DLG2: variants seen among roughly 807,000 people sequenced by gnomAD.
DLG2 encodes the protein discs large MAGUK scaffold protein 2.
A neutral mutation model predicts 132.5 loss-of-function variants in DLG2; 45 were observed. The observed-to-expected ratio is 0.34, with a 90% CI of 0.27 to 0.44. The LOEUF (loss-of-function observed/expected upper bound fraction) is 0.44. Among genes scored for constraint, DLG2 ranks in the 20% least tolerant of loss-of-function variants. DLG2 has a pLI of 1.00. For synonymous variants in DLG2, 424 were observed against 419.6 expected (o/e 1.01, Z -0.13); for missense variants, 1,045 against 1,196.9 (o/e 0.87, Z 1.87).
intron 7 of DLG2, among the ~76,000 whole-genome samples, chr11:84,301,139 C>T (rs2098146509): frequency 2.0e-5 from 3 of 152,086 alleles, no homozygotes; most frequent in African/African-American, 7.2e-5. Context: ...AGTTCTAGTA[C>T]ACCAAGGTTT....
At chr11:84,723,783 G>C (rs2062093598) in intron 6 of DLG2, among the ~76,000 whole-genome samples, 1 of 152,012 alleles carries the variant, frequency 6.6e-6, no homozygotes, top group Non-Finnish European at 1.5e-5. Flanking sequence ...CTCTTAATTA[G>C]ACCTTTCAAT....
chr11:85,469,041 G>A (rs999871506), intron 3 of DLG2, among the ~76,000 whole-genome samples: 7 of 152,066 alleles, frequency 4.6e-5, no homozygotes, highest in South Asian at 2.1e-4. Context: ...TTGAGTGCAC[G>A]TACTCTTTTA....
intron 8 of DLG2, among the ~76,000 whole-genome samples, chr11:84,194,993 G>A (rs2096488601): frequency 6.6e-6 from 1 of 152,188 alleles, no homozygotes; most frequent in Admixed American, 6.5e-5. Flanking sequence ...GCAAGCAGGG[G>A]GAGATGGCTC....
intron 6 of DLG2, among the ~76,000 whole-genome samples, chr11:84,758,066 T>C (rs2067130799): frequency 1.3e-5 from 2 of 152,240 alleles, no homozygotes; most frequent in African/African-American, 4.8e-5. Flanking sequence ...CAACTGGTTA[T>C]CACTTGTAAA....
chr11:83,946,277 C>T (rs2083940393), intron 14 of DLG2, among the ~76,000 whole-genome samples: 2 of 152,156 alleles, frequency 1.3e-5, no homozygotes, highest in Admixed American at 1.3e-4. Flanking sequence ...CTTGAGCCAC[C>T]ACACCCAGCC....
At chr11:84,638,262 C>G (rs935794576) in intron 6 of DLG2, among the ~76,000 whole-genome samples, 1 of 152,058 alleles carries the variant, frequency 6.6e-6, no homozygotes, top group Admixed American at 6.6e-5. Context: ...GTCCTTGGCA[C>G]CAAATGGAAG....
intron 6 of DLG2, among the ~76,000 whole-genome samples, chr11:84,563,403 C>T (rs2099435626): frequency 6.6e-6 from 1 of 152,092 alleles, no homozygotes; most frequent in Non-Finnish European, 1.5e-5. Context: ...TTTTTGAGGC[C>T]TCCTTCTAAC....
intron 7 of DLG2, among the ~76,000 whole-genome samples, chr11:84,290,719 C>G (rs892610997): frequency 1.3e-5 from 2 of 152,056 alleles, no homozygotes; most frequent in African/African-American, 4.8e-5. Flanking sequence ...TTAAAGCTTG[C>G]TATTTGTAGA....
chr11:83,493,704 T>C (rs1175970383), intron 21 of DLG2, among the ~76,000 whole-genome samples: 1 of 152,116 alleles, frequency 6.6e-6, no homozygotes, highest in Non-Finnish European at 1.5e-5. Flanking sequence ...TTTTACTTCA[T>C]TTACTGATTA....
At chr11:84,555,077 C>T (rs532709419) in intron 6 of DLG2, among the ~76,000 whole-genome samples, 5 of 152,118 alleles carry the variant, frequency 3.3e-5, no homozygotes, top group Admixed American at 2.0e-4. Context: ...GCCTTGTTAG[C>T]CTTGGGAAGG....
chr11:85,304,130 G>C (rs917559707), intron 3 of DLG2, among the ~76,000 whole-genome samples: 2 of 152,166 alleles, frequency 1.3e-5, no homozygotes, highest in African/African-American at 4.8e-5. Context: ...ACACCTAGCA[G>C]ATTCTGCTTG....
At chr11:85,509,765 C>T (rs994101234) in intron 3 of DLG2, among the ~76,000 whole-genome samples, 1 of 151,996 alleles carries the variant, frequency 6.6e-6, no homozygotes, top group Non-Finnish European at 1.5e-5. Flanking sequence ...GTTAAAAAGA[C>T]ATTAATCTAT....
chr11:84,077,166 C>T (rs2096840533), intron 10 of DLG2, among the ~76,000 whole-genome samples: 1 of 152,220 alleles, frequency 6.6e-6, no homozygotes, highest in Admixed American at 6.5e-5. Flanking sequence ...TGTCCTATCT[C>T]CTTCCTCTTT....
chr11:83,577,395 G>C (rs940129025), intron 19 of DLG2, among the ~76,000 whole-genome samples: 1 of 144,712 alleles, frequency 6.9e-6, no homozygotes, highest in Non-Finnish European at 1.5e-5. Context: ...GTTCTAATAG[G>C]AGATATATAT....
At chr11:84,827,607 T>C (rs758425967) in intron 6 of DLG2, among the ~76,000 whole-genome samples, 2 of 137,874 alleles carry the variant, frequency 1.5e-5, no homozygotes, top group Non-Finnish European at 3.0e-5. Flanking sequence ...GGGTAAAGCT[T>C]TGGGAACGGT....
chr11:85,098,700 T>G (rs2070336437), intron 6 of DLG2, among the ~76,000 whole-genome samples: 1 of 152,240 alleles, frequency 6.6e-6, no homozygotes, highest in Admixed American at 6.5e-5. Context: ...AAATTTTGCT[T>G]CTACAAAATG....
At chr11:84,983,901 A>G (rs1430318405) in intron 6 of DLG2, among the ~76,000 whole-genome samples, 6 of 152,216 alleles carry the variant, frequency 3.9e-5, no homozygotes, top group African/African-American at 1.4e-4. Context: ...AAAGAACTTC[A>G]GAGCTCAAAG....
intron 7 of DLG2, among the ~76,000 whole-genome samples, chr11:84,289,262 G>A (rs1004586848): frequency 2.0e-5 from 3 of 151,960 alleles, no homozygotes; most frequent in Admixed American, 6.6e-5. Flanking sequence ...AGTCATTAAC[G>A]AACAATGCTT....
At chr11:84,444,180 G>A (rs1321660330) in intron 7 of DLG2, among the ~76,000 whole-genome samples, 1 of 152,018 alleles carries the variant, frequency 6.6e-6, no homozygotes, top group African/African-American at 2.4e-5. Context: ...ATGGACACAT[G>A]GTTGGGGCAG....
Sources: allele counts gnomAD v4.1 joint callset (sites outside exome capture counted in the v4.1 genomes callset), GRCh38; gene constraint gnomAD v4.1.1; transcripts MANE v1.5; gene names NCBI Gene and HGNC (gene_info 2026-07-23, HGNC 2026-07-21).